The following USH2A variants were observed in gnomAD, a reference collection of about 807,000 sequenced individuals.
USH2A encodes Usher syndrome 2A (autosomal recessive, mild).
USH2A carries 443 observed loss-of-function variants against 538.9 expected under a neutral mutation model. That is an observed-to-expected ratio of 0.82 (90% confidence interval 0.76 to 0.89). USH2A has a LOEUF of 0.89. Among genes scored for constraint, USH2A ranks in the 40% least tolerant of loss-of-function variants. The pLI, the probability that USH2A is intolerant of heterozygous loss-of-function variation, is 0.00. For missense variants in USH2A, 6,633 were observed against 6,324.8 expected (o/e 1.05, Z -1.65); for synonymous variants, 2,413 against 2,273.5 (o/e 1.06, Z -1.75).
intron 38 of USH2A, among the ~76,000 whole-genome samples, chr1:215,914,484 A>T (rs1665900455): frequency 6.6e-6 from 1 of 152,144 alleles, no homozygotes. Context: ...AGGAATATGC[A>T]ATTTTGTACT....
intron 20 of USH2A, among the ~76,000 whole-genome samples, chr1:216,177,963 C>T (rs1019881587): frequency 1.3e-5 from 2 of 152,148 alleles, no homozygotes; most frequent in Admixed American, 1.3e-4. Flanking sequence ...TGTGTTAACA[C>T]AGCCATACAC....
chr1:216,010,236 C>T (rs548098047), intron 32 of USH2A, among the ~76,000 whole-genome samples: 131 of 152,296 alleles, frequency 8.6e-4, no homozygotes, highest in African/African-American at 2.9e-3. Flanking sequence ...TGAACTGCAG[C>T]GGCCAGGCCT....
At chr1:215,723,942 A>G (rs1437988597) in intron 61 of USH2A, among the ~76,000 whole-genome samples, 1 of 152,180 alleles carries the variant, frequency 6.6e-6, no homozygotes, top group Non-Finnish European at 1.5e-5. Context: ...GCATCTACCC[A>G]AAGGAAAATA....
At chr1:215,653,892 C>G (rs868621951) in intron 64 of USH2A, among the ~76,000 whole-genome samples, 1 of 152,036 alleles carries the variant, frequency 6.6e-6, no homozygotes, top group Admixed American at 6.6e-5. Context: ...AGCAGAGATC[C>G]CACATAGAAA....
intron 37 of USH2A, among the ~76,000 whole-genome samples, chr1:215,937,141 TAAA>T (rs773071293): frequency 6.6e-6 from 1 of 152,022 alleles, no homozygotes; most frequent in Non-Finnish European, 1.5e-5. Context: ...TCAAAGGAAA[TAAA>T]CAGTGCTTGT....
rs57783467 is a variant in USH2A, at chr1:215,891,225, C to T, written c.7595-2171G>A. The stretch of plus-strand genomic sequence containing the variant: ...TTGGGAAAGGAGAGGTGTTCAATTT[C>T]AATTTCATGATTTGTTTCCCCCTTA... On this transcript the variant is annotated intron_variant, in intron 40 of 71. Coordinates refer to ENST00000307340, the MANE Select transcript of USH2A (RefSeq NM_206933.4). 1.2e-4 allele frequency among the ~76,000 whole-genome samples: 18 copies of T among 152,276 alleles called. No individual in the cohort carries two copies. In the East Asian group the frequency reaches 3.3e-3, roughly 28 times the overall value.
At position 216,175,474 on chromosome 1, in the gene USH2A, G is replaced by A. The variant is rs797045113; in HGVS notation, c.4405C>T (p.Gln1469Ter). The change falls in exon 21 of 72, where the codon CAA (glutamine) becomes TAA (stop). Residue 1469 changes from glutamine (Q) to a stop codon, truncating the protein, a stop_gained. Coordinates refer to ENST00000307340, the MANE Select transcript of USH2A (RefSeq NM_206933.4). LOFTEE classifies it high-confidence loss of function. ...AGQTLAAAPAQLRPPLVKGIN... is the reference protein window; with the variant it reads ...AGQTLAAAPA ...CCTTTAACCAGAGGTGGCCTCAGTT[G>A]TGCTGGTGCTAAATATTAGAAAACA... 2 of 1,613,740 alleles carry A rather than the reference G, an allele frequency of 1.2e-6. No individual in the cohort carries two copies. Among genetic ancestry groups the A allele is most frequent in the Non-Finnish European group, 1.7e-6 (2 of 1,179,832 alleles).
chr1:215,795,258 C>T (rs1186581214), intron 50 of USH2A, among the ~76,000 whole-genome samples: 1 of 152,188 alleles, frequency 6.6e-6, no homozygotes, highest in Non-Finnish European at 1.5e-5. Context: ...TTAGCTCAAG[C>T]CACACCTGCC....
chr1:215,727,997 C>T (rs749675301), intron 61 of USH2A, 33 bp downstream of exon 61: 9 of 1,602,410 alleles, frequency 5.6e-6, no homozygotes, highest in Non-Finnish European at 7.7e-6. Flanking sequence ...ACCAGATAAT[C>T]TGCATGTCTG....
intron 49 of USH2A, among the ~76,000 whole-genome samples, chr1:215,800,004 A>C (rs1216030900): frequency 6.6e-6 from 1 of 152,044 alleles, no homozygotes; most frequent in African/African-American, 2.4e-5. Context: ...CAAACAAAAA[A>C]AACAAAAAAC....
chr1:216,065,782 A>C (rs904847518), intron 30 of USH2A, among the ~76,000 whole-genome samples: 3 of 152,168 alleles, frequency 2.0e-5, no homozygotes, highest in African/African-American at 7.2e-5. Context: ...CTGAAATCCC[A>C]GCTACTTGGG....
intron 21 of USH2A, among the ~76,000 whole-genome samples, chr1:216,144,811 C>T (rs944162817): frequency 3.0e-4 from 45 of 152,134 alleles, no homozygotes; most frequent in African/African-American, 9.4e-4. Context: ...TGCCATCTTT[C>T]CTCCTAGGGT....
intron 33 of USH2A, 37 bp downstream of exon 33, chr1:216,000,366 T>C (rs1483503847): frequency 6.2e-7 from 1 of 1,612,816 alleles, no homozygotes; most frequent in Non-Finnish European, 8.5e-7. Context: ...GATTCTTGCA[T>C]GAACCAGCAT....
At chr1:216,215,015 T>C (rs542230733) in intron 15 of USH2A, among the ~76,000 whole-genome samples, 3 of 152,078 alleles carry the variant, frequency 2.0e-5, no homozygotes, top group African/African-American at 2.4e-5. Flanking sequence ...TTTGAAAGCA[T>C]GATACCAATA....
chr1:216,245,479 GA>G lies in USH2A; in HGVS notation c.2809+1105del, dbSNP rs1558340613. Among the ~76,000 whole-genome samples, 457 of 117,992 alleles carry G rather than the reference GA, an allele frequency of 3.9e-3. 1 individual carries two copies. Among genetic ancestry groups the G allele is most frequent in the African/African-American group, 0.013 (437 of 32,996 alleles). The allele number at this position is 117,992 out of a possible 152,430, so 77.4% of individuals were successfully genotyped here. A position where few individuals can be genotyped will look rare whatever the true frequency, so the allele number is the denominator to read the frequency against. ...AGGTAAAGTCCCCTTCTGAGAGAGA[GA>G]GAGAGAGAGAGAGAGAGAGAGAGAG... is the stretch of plus-strand genomic sequence containing the variant. On this transcript the variant is annotated intron_variant, in intron 13 of 71. Transcript: ENST00000307340.
rs116593656 is a variant in USH2A at position 215,962,351 on chromosome 1, A to C, written c.7120+2966T>G. ...TTGCAAAGTGTGAAAGGACATTCCC[A>C]TATGTTTATTCATTGAGGCATTATT... On this transcript the variant is annotated intron_variant, in intron 37 of 71. Transcript: ENST00000307340. Among the ~76,000 whole-genome samples, 1,172 of 152,220 alleles carry C rather than the reference A, an allele frequency of 7.7e-3. 11 individuals are homozygous for C. Among genetic ancestry groups the C allele is most frequent in the African/African-American group, 0.026 (1,096 of 41,552 alleles).
intron 49 of USH2A, among the ~76,000 whole-genome samples, chr1:215,810,294 A>T (rs934711718): frequency 2.6e-5 from 4 of 152,144 alleles, no homozygotes; most frequent in African/African-American, 7.2e-5. Context: ...ACAACTTCTG[A>T]GCTTCCATGA....
intron 3 of USH2A, among the ~76,000 whole-genome samples, chr1:216,404,580 A>T (rs2039360191): frequency 6.7e-6 from 1 of 148,814 alleles, no homozygotes; most frequent in African/African-American, 2.5e-5. Context: ...ACCAAATCTC[A>T]CACCTTAAAA....
At chr1:215,875,899 T>C (rs900334012) in intron 43 of USH2A, among the ~76,000 whole-genome samples, 3 of 136,550 alleles carry the variant, frequency 2.2e-5, no homozygotes, top group African/African-American at 7.9e-5. Context: ...TATATAATAA[T>C]CAATATATAA....
Sources: allele counts gnomAD v4.1 joint callset (sites outside exome capture counted in the v4.1 genomes callset), GRCh38; gene constraint gnomAD v4.1.1; transcripts MANE v1.5; gene names NCBI Gene and HGNC (gene_info 2026-07-23, HGNC 2026-07-21).